Variants in IL13RA1 observed in about 807,000 individuals in gnomAD.
IL13RA1 encodes interleukin-13 receptor subunit alpha-1.
A neutral mutation model predicts 33.8 loss-of-function variants in IL13RA1; 14 were observed. The ratio of observed to expected loss-of-function variants is 0.41; its 90% CI spans 0.27 to 0.65. The LOEUF (loss-of-function observed/expected upper bound fraction) is 0.65. Ranked by LOEUF, IL13RA1 falls within the 30% of genes least tolerant of loss-of-function variation. The probability of loss-of-function intolerance (pLI) is 0.28; values close to 1 mark genes in which losing one functional copy is unlikely to be tolerated. For synonymous variants in IL13RA1, 116 were observed against 115.7 expected (o/e 1.00, Z -0.02); for missense variants, 313 against 327.0 (o/e 0.96, Z 0.33).
intron 4 of IL13RA1, among the ~76,000 whole-genome samples, chrX:118,756,609 G>A (rs1416850805): frequency 9.0e-6 from 1 of 111,348 alleles, no homozygotes; most frequent in Non-Finnish European, 1.9e-5. Flanking sequence ...TCAGGGTGTG[G>A]GCAATGGATG....
At chrX:118,731,946 C>T (rs2017226081) in intron 1 of IL13RA1, among the ~76,000 whole-genome samples, 1 of 111,647 alleles carries the variant, frequency 9.0e-6, no homozygotes, top group African/African-American at 3.3e-5. Flanking sequence ...ATATATATGT[C>T]TAGGCATGTT....
rs2017990755 is a variant in IL13RA1 at position 118,792,698 on chromosome X, C to A, written c.*844C>A. ...AAAAAACCTCTTAATATTCTGGAGT[C>A]ATCATTCCCTTCGACAGCATTTTCC... On this transcript the variant is annotated 3_prime_UTR_variant, in exon 11 of 11. Transcript: ENST00000371666. The A allele has an allele frequency of 8.9e-6, 1 of 112,045 alleles. No homozygotes were observed. Among genetic ancestry groups the A allele is most frequent in the African/African-American group, 3.3e-5 (1 of 30,759 alleles). 9.2% of individuals were successfully genotyped at this position (112,045 alleles called of 1,213,427 possible). A position where few individuals can be genotyped will look rare whatever the true frequency, so the allele number is the denominator to read the frequency against.
At position 118,766,893 on chromosome X, in the gene IL13RA1, C is replaced by A; in HGVS notation, c.926C>A (p.Thr309Lys). 9.3e-7 allele frequency: 1 copy of A among 1,073,232 alleles called. No individual in the cohort carries two copies. 88.4% of individuals were successfully genotyped at this position (1,073,232 alleles called of 1,213,427 possible). A position where few individuals can be genotyped will look rare whatever the true frequency, so the allele number is the denominator to read the frequency against. Residue 309 changes from threonine (T) to lysine (K), a missense_variant, in exon 8 of 11, where the codon ACA (threonine) becomes AAA (lysine). Coordinates refer to ENST00000371666, the MANE Select transcript of IL13RA1 (RefSeq NM_001560.3). ...GGTGTTCTTCCTGATACTTTGAACA[C>A]AGTCAGAATAAGAGTCAAAACAAAT... ...VPGVLPDTLN[T>K]VRIRVKTNKL... is the part of the protein sequence containing the mutation.
intron 10 of IL13RA1, among the ~76,000 whole-genome samples, chrX:118,778,944 C>G (rs1370112498): frequency 8.9e-6 from 1 of 111,920 alleles, no homozygotes; most frequent in Non-Finnish European, 1.9e-5. Context: ...TGACCCAGGG[C>G]TGTCTTAATG....
Position 118,791,984 on chromosome X carries a change from G to T in IL13RA1, c.*130G>T. 1 of 372,861 alleles carries T rather than the reference G, an allele frequency of 2.7e-6. No individual in the cohort carries two copies. 30.7% of individuals were successfully genotyped at this position (372,861 alleles called of 1,213,427 possible). A position where few individuals can be genotyped will look rare whatever the true frequency, so the allele number is the denominator to read the frequency against. ...ATTTAAAAACAGGCAGCTCATAAGA[G>T]CCACAGGTCTTTATGTTGAGTCGCG... is the stretch of plus-strand genomic sequence containing the variant. On this transcript the variant is annotated 3_prime_UTR_variant, in exon 11 of 11. Transcript: ENST00000371666.
At chrX:118,789,588 G>T (rs772028046) in intron 10 of IL13RA1, among the ~76,000 whole-genome samples, 48 of 111,458 alleles carry the variant, frequency 4.3e-4, no homozygotes, top group African/African-American at 1.5e-3. Flanking sequence ...TTGGTGGTTT[G>T]TAAAGCTCTT....
At chrX:118,743,135 T>C (rs1260983745) in intron 2 of IL13RA1, among the ~76,000 whole-genome samples, 1 of 111,743 alleles carries the variant, frequency 8.9e-6, no homozygotes, top group Non-Finnish European at 1.9e-5. Flanking sequence ...TGATAGGAGA[T>C]ATCCTGTCTG....
rs949643101 is a variant in IL13RA1 at position 118,793,829 on chromosome X, G to A, written c.*1975G>A. 18 of 111,876 alleles carry A rather than the reference G, an allele frequency of 1.6e-4. No homozygotes were observed. Among genetic ancestry groups the A allele is most frequent in the African/African-American group, 5.9e-4 (18 of 30,751 alleles). 9.2% of individuals were successfully genotyped at this position (111,876 alleles called of 1,213,427 possible). On this transcript the variant is annotated 3_prime_UTR_variant, in exon 11 of 11. Transcript: ENST00000371666. ...AAGCATGGTGCCCTGGCTTCTCTGA[G>A]GAAGCTGGGGTTCATGACAATGGCA...
chrX:118,762,135 C>A (rs894900206), intron 6 of IL13RA1, among the ~76,000 whole-genome samples: 2 of 112,568 alleles, frequency 1.8e-5, no homozygotes, highest in South Asian at 7.3e-4. Context: ...GGACACTGAC[C>A]AGAGTGTACT....
At chrX:118,774,594 TAGTC>T (rs1486102985) in intron 9 of IL13RA1, among the ~76,000 whole-genome samples, 3 of 112,591 alleles carry the variant, frequency 2.7e-5, no homozygotes, top group Non-Finnish European at 3.8e-5. Context: ...TCTATCAAGT[TAGTC>T]AGTAGTTCTT....
Position 118,783,708 on chromosome X carries a change from G to T in IL13RA1, c.1191+7197G>T, listed in dbSNP as rs189391592. ...ACCGGAAACAAAAGTAATTTTCAGG[G>T]TGCATTTTTAATAGTTATACAGTTT... On this transcript the variant is annotated intron_variant, in intron 10 of 10. Transcript: ENST00000371666. Among the ~76,000 whole-genome samples the T allele has an allele frequency of 5.5e-4, 60 of 109,096 alleles. 2 individuals are homozygous for T. In the Admixed American group the frequency reaches 5.7e-3, roughly 10 times the overall value. 94.7% of individuals were successfully genotyped at this position (109,096 alleles called of 115,157 possible). A position where few individuals can be genotyped will look rare whatever the true frequency, so the allele number is the denominator to read the frequency against.
intron 1 of IL13RA1, among the ~76,000 whole-genome samples, chrX:118,728,490 G>A (rs749464453): frequency 1.6e-4 from 18 of 112,074 alleles, no homozygotes; most frequent in African/African-American, 3.9e-4. Flanking sequence ...GTAACTTCTA[G>A]TTAATCAACC....
chrX:118,795,574 C>T (rs374455389), downstream of IL13RA1, among the ~76,000 whole-genome samples: 2 of 112,231 alleles, frequency 1.8e-5, no homozygotes, highest in East Asian at 2.8e-4. Context: ...TGATTCTTAA[C>T]ACATCAACAG....
chrX:118,784,129 G>GTATGTA (rs2017886270), intron 10 of IL13RA1, among the ~76,000 whole-genome samples: 1 of 61,501 alleles, frequency 1.6e-5, no homozygotes, highest in Non-Finnish European at 2.6e-5. Context: ...GTATATATAT[G>GTATGTA]TATATATATA....
At chrX:118,798,555 A>G (rs911005061), downstream of IL13RA1, among the ~76,000 whole-genome samples, 9 of 111,638 alleles carry the variant, frequency 8.1e-5, no homozygotes, top group Middle Eastern at 4.6e-3. Flanking sequence ...CCATCCTGAA[A>G]TGGTTGTTCT....
rs186677341 is a variant in IL13RA1, at chrX:118,771,410, G to A, written c.1010-2469G>A. Among the ~76,000 whole-genome samples the A allele has an allele frequency of 3.2e-4, 36 of 112,408 alleles. No individual in the cohort carries two copies. In the South Asian group the frequency reaches 0.012, roughly 38 times the overall value. The stretch of plus-strand genomic sequence containing the variant: ...TGTTAAATATGCAGATAGATGAGGA[G>A]GCACCAACCCCAGAGATTCTGACAC... On this transcript the variant is annotated intron_variant, in intron 8 of 10. Coordinates refer to ENST00000371666, the MANE Select transcript of IL13RA1 (RefSeq NM_001560.3).
intron 8 of IL13RA1, among the ~76,000 whole-genome samples, chrX:118,768,652 G>A (rs1375682608): frequency 9.0e-6 from 1 of 111,334 alleles, no homozygotes; most frequent in Non-Finnish European, 1.9e-5. Context: ...TTAATCTAAT[G>A]ACTAGTATCC....
intron 2 of IL13RA1, among the ~76,000 whole-genome samples, chrX:118,743,791 A>G (rs1328841749): frequency 9.0e-6 from 1 of 111,601 alleles, no homozygotes; most frequent in Non-Finnish European, 1.9e-5. Context: ...AGCAGCTACC[A>G]GTGGGAATGA....
intron 4 of IL13RA1, among the ~76,000 whole-genome samples, chrX:118,753,766 C>T (rs1359249342): frequency 1.8e-5 from 2 of 112,148 alleles, no homozygotes; most frequent in Non-Finnish European, 3.8e-5. Flanking sequence ...GGCTCAAGCC[C>T]GTCTCGGCCT....
Sources: allele counts gnomAD v4.1 joint callset (sites outside exome capture counted in the v4.1 genomes callset), GRCh38; gene constraint gnomAD v4.1.1; transcripts MANE v1.5; gene names NCBI Gene and HGNC (gene_info 2026-07-23, HGNC 2026-07-21).